CAP2: variants seen among roughly 807,000 people sequenced by gnomAD.
The protein encoded by CAP2 is cyclase associated actin cytoskeleton regulatory protein 2, also known as adenylyl cyclase-associated protein 2.
Under a neutral mutation model 57.7 loss-of-function variants are expected in CAP2, and 24 were observed. The ratio of observed to expected loss-of-function variants is 0.42; its 90% confidence interval spans 0.30 to 0.58. CAP2 has a LOEUF of 0.58. Ranked by LOEUF, CAP2 falls within the 20% of genes least tolerant of loss-of-function variation. The pLI is 0.22. For synonymous variants in CAP2, 194 were observed against 207.2 expected (o/e 0.94, Z 0.55); for missense variants, 501 against 590.3 (o/e 0.85, Z 1.57).
chr6:17,402,672 A>G (rs1758847497), intron 1 of CAP2, among the ~76,000 whole-genome samples: 1 of 152,274 alleles, frequency 6.6e-6, no homozygotes, highest in Non-Finnish European at 1.5e-5. Flanking sequence ...GAATTTGCTT[A>G]ATACATGTAA....
intron 4 of CAP2, among the ~76,000 whole-genome samples, chr6:17,468,189 C>T (rs1760924013): frequency 6.6e-6 from 1 of 152,056 alleles, no homozygotes; most frequent in Non-Finnish European, 1.5e-5. Context: ...AGTTCCTCCA[C>T]CTTCACCCTT....
chr6:17,473,023 T>G (rs79465429), intron 4 of CAP2, among the ~76,000 whole-genome samples: 1,893 of 150,968 alleles, frequency 0.013, 35 homozygotes, highest in African/African-American at 0.043. Context: ...TGTTGGAACA[T>G]CACTCATGGT....
chr6:17,502,126 G>A (rs978110126), intron 4 of CAP2, among the ~76,000 whole-genome samples: 3 of 152,216 alleles, frequency 2.0e-5, no homozygotes, highest in Non-Finnish European at 4.4e-5. Context: ...GCACTCCCTT[G>A]ACAGAAAACC....
At position 17,513,916 on chromosome 6, in the gene CAP2, A is replaced by G. The variant is rs200156682; in HGVS notation, c.598A>G (p.Lys200Glu). 2.5e-5 allele frequency: 41 copies of G among 1,613,530 alleles called. No individual in the cohort carries two copies. Among genetic ancestry groups the G allele is most frequent in the Non-Finnish European group, 3.3e-5 (39 of 1,179,552 alleles). ...NIWSELQAYI[K>E]EHHTTGLTWS... ...TTGGAGTGAACTTCAAGCATACATC[A>G]AGGAACACCACACCACGGGCCTCAC... Residue 200 changes from lysine (K) to glutamate (E), a missense_variant, in exon 7 of 13, where the codon AAG (lysine) becomes GAG (glutamate). Coordinates refer to ENST00000229922, the MANE Select transcript of CAP2 (RefSeq NM_006366.3). The surrounding 1 kb of genome is among the most constrained non-coding windows in gnomAD (Gnocchi z 4.3).
chr6:17,424,502 C>CT (rs1162276663), intron 2 of CAP2, among the ~76,000 whole-genome samples: 2 of 152,180 alleles, frequency 1.3e-5, no homozygotes, highest in African/African-American at 4.8e-5. Flanking sequence ...TTATGATGTG[C>CT]TTTAGAAGGT....
At chr6:17,423,046 C>G (rs1215370207) in intron 2 of CAP2, among the ~76,000 whole-genome samples, 1 of 152,192 alleles carries the variant, frequency 6.6e-6, no homozygotes, top group Non-Finnish European at 1.5e-5. Flanking sequence ...CAACTCTGTT[C>G]TTGTCACATG....
chr6:17,489,150 C>G (rs1356729082), intron 4 of CAP2, among the ~76,000 whole-genome samples: 1 of 152,108 alleles, frequency 6.6e-6, no homozygotes, highest in East Asian at 1.9e-4. Context: ...TAAAGAAAAT[C>G]AGGCTGCGTG....
intron 1 of CAP2, among the ~76,000 whole-genome samples, chr6:17,413,189 CATA>C (rs1325444041): frequency 6.6e-6 from 1 of 152,160 alleles, no homozygotes; most frequent in African/African-American, 2.4e-5. Flanking sequence ...ACCAGGATCT[CATA>C]CATGTTTTCT....
At chr6:17,510,996 G>T (rs190895006) in intron 6 of CAP2, among the ~76,000 whole-genome samples, 11 of 152,272 alleles carry the variant, frequency 7.2e-5, no homozygotes, top group African/African-American at 2.4e-4. Context: ...CATGCTTTTT[G>T]TTCACAAAGA....
intron 11 of CAP2, among the ~76,000 whole-genome samples, chr6:17,545,132 G>A (rs1335774237): frequency 6.6e-6 from 1 of 152,160 alleles, no homozygotes; most frequent in Non-Finnish European, 1.5e-5. Flanking sequence ...AATATTTGAT[G>A]GCAGAGGTGA....
intron 4 of CAP2, among the ~76,000 whole-genome samples, chr6:17,477,625 C>T (rs528057274): frequency 1.3e-5 from 2 of 152,278 alleles, no homozygotes; most frequent in South Asian, 4.1e-4. Flanking sequence ...AGGGTTTCCT[C>T]CCCATATTTA....
At chr6:17,432,917 ACTTC>A (rs1288182229) in intron 3 of CAP2, among the ~76,000 whole-genome samples, 5 of 120,330 alleles carry the variant, frequency 4.2e-5, no homozygotes, top group Admixed American at 2.6e-4. Flanking sequence ...ATTTTCTTTT[ACTTC>A]CTTCCTTCCC....
At chr6:17,497,740 C>T (rs1761704156) in intron 4 of CAP2, among the ~76,000 whole-genome samples, 1 of 152,216 alleles carries the variant, frequency 6.6e-6, no homozygotes, top group Non-Finnish European at 1.5e-5. Context: ...TGGCTGCACA[C>T]TGATGCATGA....
At chr6:17,489,219 G>A (rs765842918) in intron 4 of CAP2, among the ~76,000 whole-genome samples, 5 of 152,142 alleles carry the variant, frequency 3.3e-5, no homozygotes, top group South Asian at 4.1e-4. Flanking sequence ...ACATCACGAG[G>A]TCAGGAGTTC....
chr6:17,556,479 C>A lies in CAP2; in HGVS notation c.*37C>A, dbSNP rs751136913. ...ACCGAACCCCCTCACCTGAATCCCC[C>A]TCTATCAAACAAACAAAAAAGCAGC... On this transcript the variant is annotated 3_prime_UTR_variant, in exon 13 of 13. Transcript: ENST00000229922. The A allele has an allele frequency of 1.4e-6, 2 of 1,399,576 alleles. No homozygotes were observed. The highest frequency in any genetic ancestry group is 1.7e-5 in the Admixed American group (1 of 59,728). The allele number at this position is 1,399,576 out of a possible 1,614,324, so 86.7% of individuals were successfully genotyped here. A position where few individuals can be genotyped will look rare whatever the true frequency, so the allele number is the denominator to read the frequency against.
At chr6:17,454,921 G>T (rs73369487) in intron 3 of CAP2, among the ~76,000 whole-genome samples, 1 of 151,850 alleles carries the variant, frequency 6.6e-6, no homozygotes, top group East Asian at 1.9e-4. Context: ...CATTCATCCC[G>T]TCACTTAAAA....
At chr6:17,521,349 C>T (rs184540314) in intron 7 of CAP2, among the ~76,000 whole-genome samples, 4 of 151,780 alleles carry the variant, frequency 2.6e-5, no homozygotes, top group African/African-American at 4.8e-5. Flanking sequence ...ACCTGGGAGG[C>T]GGAGCTTGCA....
intron 4 of CAP2, among the ~76,000 whole-genome samples, chr6:17,476,264 C>T (rs893052198): frequency 6.6e-6 from 1 of 152,176 alleles, no homozygotes; most frequent in Non-Finnish European, 1.5e-5. Flanking sequence ...TGAATTCTAA[C>T]TGCAGTACAG....
At chr6:17,454,347 T>C (rs1760498585) in intron 3 of CAP2, among the ~76,000 whole-genome samples, 1 of 151,702 alleles carries the variant, frequency 6.6e-6, no homozygotes, top group South Asian at 2.1e-4. Flanking sequence ...CCAGGCAAAA[T>C]TCTAGACTCA....
Sources: allele counts gnomAD v4.1 joint callset (sites outside exome capture counted in the v4.1 genomes callset), GRCh38; gene constraint gnomAD v4.1.1; non-coding constraint Gnocchi (gnomAD v3.1); transcripts MANE v1.5; gene names NCBI Gene and HGNC (gene_info 2026-07-23, HGNC 2026-07-21).